Variants in TIAM2 observed in about 807,000 individuals in gnomAD.
TIAM2 encodes the protein rho guanine nucleotide exchange factor TIAM2.
In TIAM2, 80 loss-of-function variants were observed where a neutral mutation model predicts 152.9. The observed-to-expected ratio is 0.52, with a 90% CI of 0.44 to 0.63. The LOEUF (loss-of-function observed/expected upper bound fraction) is 0.63, where lower values mean the gene tolerates loss of function less well. TIAM2 is among the 30% of genes least tolerant of loss of function. TIAM2 has a pLI of 0.00. For missense variants in TIAM2, 1,965 were observed against 2,120.1 expected, an observed-to-expected ratio of 0.93 and a Z score of 1.44; for synonymous variants, 804 against 838.0, an observed-to-expected ratio of 0.96 and a Z score of 0.70.
At chr6:155,001,936 G>T (rs1475181013) in intron 1 of TIAM2, among the ~76,000 whole-genome samples, 2 of 152,082 alleles carry the variant, frequency 1.3e-5, no homozygotes, top group Non-Finnish European at 2.9e-5. Context: ...GATTCTCATT[G>T]CTTTTAAAAT....
intron 22 of TIAM2, among the ~76,000 whole-genome samples, chr6:155,251,621 A>G (rs1304014895): frequency 6.6e-6 from 1 of 152,186 alleles, no homozygotes; most frequent in African/African-American, 2.4e-5. Context: ...GCTGTATTTC[A>G]AATGTTTTAA....
intron 9 of TIAM2, among the ~76,000 whole-genome samples, chr6:155,169,217 G>A (rs949267878): frequency 1.3e-5 from 2 of 152,054 alleles, no homozygotes; most frequent in East Asian, 1.9e-4. Flanking sequence ...CGATGGTCTC[G>A]ATCTCCTGAC....
chr6:155,172,671 T>TAGATATAG, intron 9 of TIAM2, among the ~76,000 whole-genome samples: 1 of 11,252 alleles, frequency 8.9e-5, no homozygotes, highest in African/African-American at 3.3e-4. Flanking sequence ...TATATATATA[T>TAGATATAG]ATATATATAT....
chr6:155,058,105 C>T (rs898008188), intron 1 of TIAM2, among the ~76,000 whole-genome samples: 2 of 152,088 alleles, frequency 1.3e-5, no homozygotes, highest in Non-Finnish European at 2.9e-5. Flanking sequence ...GTTTTTCCTG[C>T]CCCAGTGCCA....
intron 9 of TIAM2, among the ~76,000 whole-genome samples, chr6:155,169,933 C>T (rs1780542714): frequency 6.6e-6 from 1 of 152,142 alleles, no homozygotes; most frequent in Admixed American, 6.5e-5. Context: ...GTTCTTCTGC[C>T]TCAGCCTCCT....
intron 15 of TIAM2, among the ~76,000 whole-genome samples, chr6:155,222,995 A>G (rs1782110376): frequency 6.6e-6 from 1 of 152,180 alleles, no homozygotes; most frequent in African/African-American, 2.4e-5. Context: ...ATGGTTAGAT[A>G]CCGTATTTCC....
At chr6:155,154,152 T>C (rs1780046008) in intron 7 of TIAM2, among the ~76,000 whole-genome samples, 1 of 152,228 alleles carries the variant, frequency 6.6e-6, no homozygotes, top group African/African-American at 2.4e-5. Context: ...AAAAGAGCAG[T>C]GCTTTATCCA....
At chr6:155,072,272 A>C (rs1583177046) in intron 1 of TIAM2, among the ~76,000 whole-genome samples, 1 of 152,028 alleles carries the variant, frequency 6.6e-6, no homozygotes, top group African/African-American at 2.4e-5. Context: ...TGTGGAGGAG[A>C]GATTTGTGGA....
intron 1 of TIAM2, among the ~76,000 whole-genome samples, chr6:155,059,652 G>T (rs1350747012): frequency 6.6e-6 from 1 of 152,086 alleles, no homozygotes; most frequent in African/African-American, 2.4e-5. Context: ...ATTAAATTAA[G>T]GTTATGGATT....
chr6:155,180,905 G>A lies in TIAM2; in HGVS notation c.2708-1321G>A, dbSNP rs185359181. The stretch of plus-strand genomic sequence containing the variant: ...ATTACAGGCATGAGCCACTGTGCCC[G>A]GACCCCATGTTATGTTGGTTTTTCC... On this transcript the variant is annotated intron_variant, in intron 12 of 26. Transcript: ENST00000682666. Among the ~76,000 whole-genome samples, 1,044 of 152,156 alleles carry A rather than the reference G, an allele frequency of 6.9e-3. 11 individuals are homozygous for A. The highest frequency in any genetic ancestry group is 6.3e-3 in the Non-Finnish European group (426 of 67,980).
intron 1 of TIAM2, among the ~76,000 whole-genome samples, chr6:155,068,902 C>T (rs2114950195): frequency 6.6e-6 from 1 of 152,044 alleles, no homozygotes; most frequent in South Asian, 2.1e-4. Context: ...CCCTTTATAG[C>T]CCCTGGTAGC....
rs541848588 is a variant in TIAM2 at position 155,035,246 on chromosome 6, G to A, written c.-209+39754G>A. Reference sequence around the variant, plus strand: ...GTCCTATTTTTTTTTTTTTTGAAACGGAGTCTTGCTTTGTCACCCAGGCTG... The same window carrying A: ...GTCCTATTTTTTTTTTTTTTGAAACAGAGTCTTGCTTTGTCACCCAGGCTG... On this transcript the variant is annotated intron_variant, in intron 1 of 26. Coordinates refer to ENST00000682666, the MANE Select transcript of TIAM2 (RefSeq NM_012454.4). Among the ~76,000 whole-genome samples, 176 of 146,822 alleles carry A rather than the reference G, an allele frequency of 1.2e-3. 2 individuals carry two copies. The highest frequency in any genetic ancestry group is 3.9e-4 in the Non-Finnish European group (26 of 67,060).
rs1022100054 is a variant in TIAM2, at chr6:155,174,644, C to T, written c.2362-2172C>T. Among the ~76,000 whole-genome samples the T allele has an allele frequency of 1.3e-5, 2 of 152,214 alleles. No individual in the cohort carries two copies. Among genetic ancestry groups the T allele is most frequent in the East Asian group, 3.8e-4 (2 of 5,204 alleles). On this transcript the variant is annotated intron_variant, in intron 9 of 26. Coordinates refer to ENST00000682666, the MANE Select transcript of TIAM2 (RefSeq NM_012454.4). The surrounding 1 kb of genome is among the most constrained non-coding windows in gnomAD (Gnocchi z 4.2). Reference sequence around the variant, plus strand: ...TCGGCCTCCCAAAGTGCTGGAATTACAGACGTGAGCCATGGCGCCCGGCCA... The same window carrying T: ...TCGGCCTCCCAAAGTGCTGGAATTATAGACGTGAGCCATGGCGCCCGGCCA...
rs368149165 is a variant in TIAM2 at position 155,218,836 on chromosome 6, T to A, written c.3168+7529T>A. The stretch of plus-strand genomic sequence containing the variant: ...CCCGTGTTCTTGACCATCTCAGCCA[T>A]CCACCCGTGTTCTCGACCATCTCAG... On this transcript the variant is annotated intron_variant, in intron 15 of 26. Transcript: ENST00000682666. This position sits in a 1 kb window ranked among gnomAD's most constrained non-coding sequence, Gnocchi z 4.5. 3.8e-5 allele frequency among the ~76,000 whole-genome samples: 5 copies of A among 132,720 alleles called. No homozygotes were observed. In the South Asian group the frequency reaches 7.8e-4, roughly 21 times the overall value. 87.1% of individuals were successfully genotyped at this position (132,720 alleles called of 152,430 possible). A position where few individuals can be genotyped will look rare whatever the true frequency, so the allele number is the denominator to read the frequency against.
At position 155,164,751 on chromosome 6, in the gene TIAM2, A is replaced by C. The variant is rs556961550; in HGVS notation, c.2214+151A>C. The stretch of plus-strand genomic sequence containing the variant: ...TCACCCAGAGGCCAGGGGCCTGGAG[A>C]TGAAGGAGACCAGACGTCGTGCTGT... On this transcript the variant is annotated intron_variant, in intron 8 of 26. Transcript: ENST00000682666. 331 of 934,560 alleles carry C rather than the reference A, an allele frequency of 3.5e-4. 1 individual carries two copies. In the African/African-American group the frequency reaches 5.2e-3, roughly 15 times the overall value. 57.9% of individuals were successfully genotyped at this position (934,560 alleles called of 1,614,324 possible).
chr6:155,207,439 G>A (rs914718053), intron 14 of TIAM2, among the ~76,000 whole-genome samples: 13 of 152,210 alleles, frequency 8.5e-5, no homozygotes. Flanking sequence ...CACATTGCTG[G>A]TGGCTGCAGG....
At chr6:155,190,406 TCTCCACTA>T (rs1781168742) in intron 14 of TIAM2, among the ~76,000 whole-genome samples, 1 of 152,182 alleles carries the variant, frequency 6.6e-6, no homozygotes, top group Admixed American at 6.5e-5. Context: ...TGGGAAGCCG[TCTCCACTA>T]AAGTGTGGTC....
intron 15 of TIAM2, among the ~76,000 whole-genome samples, chr6:155,236,141 T>C (rs748218391): frequency 6.6e-5 from 10 of 151,898 alleles, no homozygotes; most frequent in Admixed American, 5.2e-4. Context: ...TTAGCTCACT[T>C]CATAGGAGGC....
chr6:155,206,084 G>A (rs1008575960), intron 14 of TIAM2, among the ~76,000 whole-genome samples: 1 of 152,180 alleles, frequency 6.6e-6, no homozygotes, highest in Non-Finnish European at 1.5e-5. Context: ...AATGGGCCAG[G>A]TACTGACGCA....
Sources: gnomAD v4.1 joint callset for allele counts (sites outside exome capture counted in the v4.1 genomes callset) on GRCh38, gnomAD v4.1.1 for gene constraint, Gnocchi (gnomAD v3.1) non-coding constraint, MANE v1.5 for transcripts, NCBI Gene and HGNC (gene_info 2026-07-23, HGNC 2026-07-21) for gene names.